Variants in PPP1R12A observed in about 807,000 individuals in gnomAD.
PPP1R12A encodes the protein myosin binding subunit.
Under a neutral mutation model 139.6 loss-of-function variants are expected in PPP1R12A, and 19 were observed. The ratio of observed to expected loss-of-function variants is 0.14; its 90% confidence interval spans 0.09 to 0.20. The LOEUF is 0.20. Ranked by LOEUF, PPP1R12A falls within the 10% of genes least tolerant of loss-of-function variation. PPP1R12A has a pLI of 1.00. For synonymous variants in PPP1R12A, 427 were observed against 420.6 expected, an observed-to-expected ratio of 1.02 and a Z score of -0.19; for missense variants, 925 against 1,211.5, an observed-to-expected ratio of 0.76 and a Z score of 3.51.
intron 1 of PPP1R12A, among the ~76,000 whole-genome samples, chr12:79,924,590 A>G (rs528349345): frequency 2.2e-4 from 34 of 151,806 alleles, no homozygotes; most frequent in African/African-American, 7.5e-4. Flanking sequence ...CGCCATGCTC[A>G]GCTAATTTTT....
chr12:79,875,584 G>A (rs183237533), intron 1 of PPP1R12A, among the ~76,000 whole-genome samples: 23 of 152,266 alleles, frequency 1.5e-4, no homozygotes, highest in Non-Finnish European at 3.2e-4. Flanking sequence ...CTCTAAAAGT[G>A]TTTCTAATAA....
chr12:79,930,600 G>A (rs1035015640), intron 1 of PPP1R12A, among the ~76,000 whole-genome samples: 5 of 151,772 alleles, frequency 3.3e-5, no homozygotes, highest in Non-Finnish European at 5.9e-5. Flanking sequence ...TAGAGAAACC[G>A]CATCTCTACT....
Position 79,805,692 on chromosome 12 carries a change from C to G in PPP1R12A, c.1900G>C (p.Val634Leu), listed in dbSNP as rs991483268. 1 of 1,613,628 alleles carries G rather than the reference C, an allele frequency of 6.2e-7. No homozygotes were observed. Among genetic ancestry groups the G allele is most frequent in the Non-Finnish European group, 8.5e-7 (1 of 1,179,686 alleles). ...GCAGCATTTACAACAGTTGGAGCAA[C>G]AGGAATGGTCACTGCCGTAGGAACA... ...DSVPTAVTIP[V>L]APTVVNAAAS... Residue 634 changes from valine (V) to leucine (L), a missense_variant, in exon 14 of 25, where the codon GTT becomes CTT. By Grantham distance (32) the Val-to-Leu change is conservative. Around this residue, in one of 4 missense-constraint regions of PPP1R12A, gnomAD observed 403 missense variants for 463.7 expected, o/e 0.87. Transcript: ENST00000450142.
chr12:79,862,575 A>C (rs1373907880), intron 2 of PPP1R12A, among the ~76,000 whole-genome samples: 1 of 152,194 alleles, frequency 6.6e-6, no homozygotes, highest in Non-Finnish European at 1.5e-5. Flanking sequence ...CCTTGAAAAA[A>C]GGTTAGACAA....
chr12:79,935,119 C>A, upstream of PPP1R12A: 1 of 1,370,512 alleles, frequency 7.3e-7, no homozygotes, highest in Non-Finnish European at 9.4e-7. Context: ...CCCGGCCGAG[C>A]GGACCTCCCT....
At chr12:79,932,761 G>A (rs1326598988) in intron 1 of PPP1R12A, among the ~76,000 whole-genome samples, 13 of 152,176 alleles carry the variant, frequency 8.5e-5, no homozygotes, top group African/African-American at 3.1e-4. Context: ...TAAGAAGGCA[G>A]TTAAATGTAT....
chr12:79,862,755 A>G (rs1881488346), intron 2 of PPP1R12A, among the ~76,000 whole-genome samples: 1 of 152,212 alleles, frequency 6.6e-6, no homozygotes, highest in African/African-American at 2.4e-5. Context: ...AAGGAAAAAG[A>G]GAAGTTTAGA....
At chr12:79,805,323 C>A (rs1346026154) in intron 14 of PPP1R12A, among the ~76,000 whole-genome samples, 1 of 152,094 alleles carries the variant, frequency 6.6e-6, no homozygotes, top group African/African-American at 2.4e-5. Context: ...AAATAAACCA[C>A]CTTAGAAACT....
chr12:79,796,132 G>A, intron 17 of PPP1R12A, among the ~76,000 whole-genome samples: 1 of 152,026 alleles, frequency 6.6e-6, no homozygotes, highest in Non-Finnish European at 1.5e-5. Context: ...TTTATTTTCT[G>A]CTGTTTATTC....
chr12:79,934,647 C>T, intron 1 of PPP1R12A, 48 bp downstream of exon 1: 1 of 1,464,594 alleles, frequency 6.8e-7, no homozygotes, highest in South Asian at 1.3e-5. Flanking sequence ...AGCAGGAGGC[C>T]GACGAGAACC....
chr12:79,812,382 C>CTGTGTGCGTGTGTGTGTGTGTGTGTG (rs370114772), intron 9 of PPP1R12A, among the ~76,000 whole-genome samples: 2 of 112,882 alleles, frequency 1.8e-5, no homozygotes, highest in Non-Finnish European at 3.3e-5. Context: ...TTGACTGACT[C>CTGTGTGCGTGTGTGTGTGTGTGTGTG]TGTGTGTGCG....
Position 79,813,422 on chromosome 12 carries a change from T to G in PPP1R12A, c.1240-3412A>C, listed in dbSNP as rs562803789. 3.3e-5 allele frequency among the ~76,000 whole-genome samples: 5 copies of G among 152,340 alleles called. No individual in the cohort carries two copies. The East Asian group carries it at 9.6e-4, about 29-fold the overall frequency. ...ATCATGCTACATCTGTACGTTTCGATTGGACTACTTTATATACCCACAGCA... is the reference window on the plus strand; with the variant it reads ...ATCATGCTACATCTGTACGTTTCGAGTGGACTACTTTATATACCCACAGCA... On this transcript the variant is annotated intron_variant, in intron 9 of 24. Transcript: ENST00000450142.
intron 17 of PPP1R12A, among the ~76,000 whole-genome samples, 193 bp downstream of exon 17, chr12:79,796,589 G>C (rs961953164): frequency 6.6e-6 from 1 of 152,094 alleles, no homozygotes; most frequent in Non-Finnish European, 1.5e-5. Flanking sequence ...AAAAATATTA[G>C]TATCAACAGC....
At chr12:79,814,807 C>A (rs1222813404) in intron 9 of PPP1R12A, among the ~76,000 whole-genome samples, 2 of 82,826 alleles carry the variant, frequency 2.4e-5, no homozygotes, top group South Asian at 8.9e-4. Context: ...AAGAGTGAAA[C>A]TCTGTCTCAA....
At chr12:79,800,014 A>G (rs1196039790) in intron 14 of PPP1R12A, among the ~76,000 whole-genome samples, 4 of 152,092 alleles carry the variant, frequency 2.6e-5, no homozygotes, top group African/African-American at 9.7e-5. Flanking sequence ...AAAAAAGTTA[A>G]ATAATTAAAG....
intron 1 of PPP1R12A, among the ~76,000 whole-genome samples, chr12:79,921,981 T>C (rs1887472341): frequency 6.6e-6 from 1 of 152,254 alleles, no homozygotes; most frequent in African/African-American, 2.4e-5. Context: ...CCAGGCATGG[T>C]AGTGCATGGC....
At chr12:79,802,292 A>C (rs181022464) in intron 14 of PPP1R12A, among the ~76,000 whole-genome samples, 2 of 152,324 alleles carry the variant, frequency 1.3e-5, no homozygotes, top group Admixed American at 6.5e-5. Context: ...ATTTTGTGGC[A>C]TATTCAGTAA....
intron 3 of PPP1R12A, among the ~76,000 whole-genome samples, chr12:79,834,058 C>T (rs1877787721): frequency 6.6e-6 from 1 of 151,992 alleles, no homozygotes; most frequent in South Asian, 2.1e-4. Flanking sequence ...ACTATTTTGC[C>T]AGGTACATTG....
Position 79,822,158 on chromosome 12 carries a change from G to A in PPP1R12A, c.825C>T (p.Asp275=). 2 of 1,590,558 alleles carry A rather than the reference G, an allele frequency of 1.3e-6. No individual in the cohort carries two copies. The highest frequency in any genetic ancestry group is 1.7e-6 in the Non-Finnish European group (2 of 1,166,336). The part of the protein sequence containing the change: ...GQTAFDVADE[D]ILGYLEELQK... Reference sequence around the variant, plus strand: ...GCAACTCTTCTAAATATCCTAAAATGTCTTCATCTGCTACATCAAAGGCTG... The same window carrying A: ...GCAACTCTTCTAAATATCCTAAAATATCTTCATCTGCTACATCAAAGGCTG... The change falls in exon 6 of 25, where the codon GAC becomes GAT. Residue 275 remains aspartate (D), a synonymous_variant. Coordinates refer to ENST00000450142, the MANE Select transcript of PPP1R12A (RefSeq NM_002480.3).
Sources: allele counts gnomAD v4.1 joint callset (sites outside exome capture counted in the v4.1 genomes callset), GRCh38; gene constraint gnomAD v4.1.1; regional missense constraint gnomAD v4.1.1; transcripts MANE v1.5; gene names NCBI Gene and HGNC (gene_info 2026-07-23, HGNC 2026-07-21).